Variants in SOX5 observed in about 807,000 individuals in gnomAD.
The protein encoded by SOX5 is transcription factor SOX-5.
SOX5 carries 9 observed loss-of-function variants against 92.0 expected under a neutral mutation model. The observed-to-expected ratio is 0.10, with a 90% CI of 0.06 to 0.17. The LOEUF (loss-of-function observed/expected upper bound fraction) is 0.17. Among genes scored for constraint, SOX5 ranks in the 10% least tolerant of loss-of-function variants. The pLI is 1.00. For synonymous variants in SOX5, 344 were observed against 336.3 expected, an observed-to-expected ratio of 1.02 and a Z score of -0.25; for missense variants, 642 against 944.5, an observed-to-expected ratio of 0.68 and a Z score of 4.20.
At chr12:24,484,105 C>T (rs775103980) in intron 1 of SOX5, among the ~76,000 whole-genome samples, 1 of 152,146 alleles carries the variant, frequency 6.6e-6, no homozygotes, top group Non-Finnish European at 1.5e-5. Flanking sequence ...AAAAGCCTTA[C>T]CAAAGAGTAA....
chr12:23,724,563 T>G (rs974077964), intron 6 of SOX5, among the ~76,000 whole-genome samples: 3 of 152,196 alleles, frequency 2.0e-5, no homozygotes, highest in Non-Finnish European at 4.4e-5. Context: ...GATTACTAAT[T>G]TAACCTTATT....
At chr12:24,279,317 T>C (rs115231692) in intron 2 of SOX5, among the ~76,000 whole-genome samples, 1,889 of 152,164 alleles carry the variant, frequency 0.012, 38 homozygotes, top group African/African-American at 0.044. Context: ...TGAGAGAAAA[T>C]TCTTTTTAGG....
chr12:23,921,547 C>A (rs184416480), intron 1 of SOX5, among the ~76,000 whole-genome samples: 3 of 152,268 alleles, frequency 2.0e-5, no homozygotes, highest in Non-Finnish European at 2.9e-5. Flanking sequence ...TCTGTCACAG[C>A]AGTTATTTTC....
chr12:23,864,590 G>A (rs2096791629), intron 2 of SOX5, among the ~76,000 whole-genome samples: 1 of 152,128 alleles, frequency 6.6e-6, no homozygotes, highest in South Asian at 2.1e-4. Context: ...AGTTGTATTG[G>A]TCTGGAGAGA....
intron 1 of SOX5, among the ~76,000 whole-genome samples, chr12:24,552,868 A>C (rs753263271): frequency 9.2e-5 from 14 of 152,108 alleles, no homozygotes; most frequent in Non-Finnish European, 2.1e-4. Flanking sequence ...ATCTCTACCC[A>C]AAATTTAAAG....
intron 1 of SOX5, among the ~76,000 whole-genome samples, chr12:23,929,374 C>T (rs1174866666): frequency 6.6e-6 from 1 of 151,910 alleles, no homozygotes; most frequent in Non-Finnish European, 1.5e-5. Flanking sequence ...GCTTCATTAT[C>T]TCCCACCCTC....
At chr12:24,534,296 G>C (rs1416855540) in intron 1 of SOX5, among the ~76,000 whole-genome samples, 1 of 151,202 alleles carries the variant, frequency 6.6e-6, no homozygotes, top group Non-Finnish European at 1.5e-5. Context: ...TTACAAGCAA[G>C]ATCTCAGCAA....
chr12:24,381,583 A>C (rs12305093), intron 1 of SOX5, among the ~76,000 whole-genome samples: 13,495 of 152,266 alleles, frequency 0.089, 682 homozygotes, highest in Middle Eastern at 0.15. Context: ...CTCAATTAGT[A>C]TTCAATGAAT....
chr12:23,570,928 A>T (rs867669076), intron 10 of SOX5, among the ~76,000 whole-genome samples: 1 of 23,194 alleles, frequency 4.3e-5, no homozygotes, highest in African/African-American at 1.8e-4. Context: ...AAAAAAAAAA[A>T]AAATATATAT....
intron 3 of SOX5, among the ~76,000 whole-genome samples, chr12:23,822,169 T>A (rs1238205370): frequency 6.6e-6 from 1 of 152,162 alleles, no homozygotes; most frequent in African/African-American, 2.4e-5. Context: ...CGCTAGCTTT[T>A]GAATTTGTTT....
intron 3 of SOX5, among the ~76,000 whole-genome samples, chr12:23,793,456 A>G (rs1366881924): frequency 6.6e-6 from 1 of 152,200 alleles, no homozygotes; most frequent in Non-Finnish European, 1.5e-5. Flanking sequence ...AACCCTAAAG[A>G]GTAACTTTTC....
rs550503180 is a variant in SOX5 at position 24,397,444 on chromosome 12, C to T, written c.-250-28805G>A. 4.7e-4 allele frequency among the ~76,000 whole-genome samples: 71 copies of T among 152,278 alleles called. 1 individual carries two copies. In the South Asian group the frequency reaches 0.012, roughly 26 times the overall value. Reference sequence around the variant, plus strand: ...TGTACATATAAATTACCAGTCATCACTGGACAATAATAACTATTTGTTATT... The same window carrying T: ...TGTACATATAAATTACCAGTCATCATTGGACAATAATAACTATTTGTTATT... On this transcript the variant is annotated intron_variant, in intron 1 of 4. Coordinates refer to the SOX5 transcript ENST00000446891.
chr12:23,731,839 C>G (rs1407088386), intron 6 of SOX5, among the ~76,000 whole-genome samples: 1 of 152,092 alleles, frequency 6.6e-6, no homozygotes, highest in Non-Finnish European at 1.5e-5. Context: ...GTCTACTACT[C>G]CATCAATATA....
intron 4 of SOX5, among the ~76,000 whole-genome samples, chr12:24,102,436 C>T (rs1240192569): frequency 6.6e-6 from 1 of 152,130 alleles, no homozygotes; most frequent in Non-Finnish European, 1.5e-5. Flanking sequence ...TGACCCATGG[C>T]TTTAACATAT....
chr12:24,462,334 A>G (rs894458893), intron 1 of SOX5, among the ~76,000 whole-genome samples: 1 of 152,198 alleles, frequency 6.6e-6, no homozygotes, highest in Admixed American at 6.5e-5. Flanking sequence ...TGGGACCACC[A>G]TCCTATATAT....
intron 10 of SOX5, among the ~76,000 whole-genome samples, chr12:23,570,950 T>C (rs1412315555): frequency 2.5e-4 from 4 of 16,076 alleles, no homozygotes; most frequent in African/African-American, 3.7e-4. Flanking sequence ...TATATATATA[T>C]ATATATATAT....
intron 2 of SOX5, among the ~76,000 whole-genome samples, chr12:24,345,662 T>G (rs1267023874): frequency 6.6e-6 from 1 of 152,220 alleles, no homozygotes; most frequent in African/African-American, 2.4e-5. Flanking sequence ...TTGATAATTT[T>G]GAAAGAATTA....
At chr12:24,491,773 A>G (rs946002392) in intron 1 of SOX5, among the ~76,000 whole-genome samples, 1 of 152,190 alleles carries the variant, frequency 6.6e-6, no homozygotes, top group African/African-American at 2.4e-5. Context: ...AACTCAGTCT[A>G]TCTTTCTTAG....
intron 4 of SOX5, among the ~76,000 whole-genome samples, chr12:23,993,876 T>TATGCATGC (rs1555465034): frequency 7.0e-6 from 1 of 142,830 alleles, no homozygotes; most frequent in Non-Finnish European, 1.6e-5. Flanking sequence ...TGTATGTATG[T>TATGCATGC]ATGTATGTAT....
Sources: allele counts gnomAD v4.1 joint callset (sites outside exome capture counted in the v4.1 genomes callset), GRCh38; gene constraint gnomAD v4.1.1; transcripts MANE v1.5; gene names NCBI Gene and HGNC (gene_info 2026-07-23, HGNC 2026-07-21).